ITPR2: variants seen among roughly 807,000 people sequenced by gnomAD.
The protein encoded by ITPR2 is inositol 1,4,5-trisphosphate-gated calcium channel ITPR2.
In ITPR2, 207 loss-of-function variants were observed where a neutral mutation model predicts 317.1. The observed-to-expected ratio is 0.65, with a 90% CI of 0.58 to 0.73. The LOEUF is 0.73. Among genes scored for constraint, ITPR2 ranks in the 30% least tolerant of loss-of-function variants. ITPR2 has a pLI of 0.00. For missense variants in ITPR2, 2,613 were observed against 3,284.0 expected, an observed-to-expected ratio of 0.80 and a Z score of 4.99; for synonymous variants, 1,156 against 1,149.1, an observed-to-expected ratio of 1.01 and a Z score of -0.12.
intron 3 of ITPR2, 146 bp from the exon 4 acceptor site, chr12:26,724,888 G>T: frequency 1.1e-5 from 6 of 558,104 alleles, no homozygotes; most frequent in East Asian, 3.0e-5. Flanking sequence ...TAGTTTAGGT[G>T]TTTTGTTTTG....
At chr12:26,727,510 A>G (rs1365422936) in intron 2 of ITPR2, among the ~76,000 whole-genome samples, 1 of 152,214 alleles carries the variant, frequency 6.6e-6, no homozygotes, top group Admixed American at 6.5e-5. Context: ...CAGAAAAAAT[A>G]TTTTTGTAAA....
intron 2 of ITPR2, among the ~76,000 whole-genome samples, chr12:26,726,717 T>C (rs1948931828): frequency 6.6e-6 from 1 of 152,200 alleles, no homozygotes; most frequent in South Asian, 2.1e-4. Context: ...TTAGCCACAT[T>C]ATTGACTACA....
At chr12:26,768,005 C>A (rs1010349068) in intron 2 of ITPR2, among the ~76,000 whole-genome samples, 1 of 152,150 alleles carries the variant, frequency 6.6e-6, no homozygotes, top group African/African-American at 2.4e-5. Context: ...CCTTGGTATA[C>A]CCGCTGACTT....
chr12:26,786,561 C>T (rs536919981), intron 2 of ITPR2, among the ~76,000 whole-genome samples: 2 of 151,458 alleles, frequency 1.3e-5, no homozygotes, highest in African/African-American at 2.4e-5. Context: ...TGGTTTCTAT[C>T]GAAAAATGGC....
At chr12:26,506,934 T>C (rs984356528) in intron 37 of ITPR2, among the ~76,000 whole-genome samples, 14 of 149,972 alleles carry the variant, frequency 9.3e-5, no homozygotes, top group African/African-American at 3.5e-4. Context: ...TTTGAATGTG[T>C]CATAATTTAT....
Position 26,759,038 on chromosome 12 carries a change from C to T in ITPR2, c.163+31119G>A, listed in dbSNP as rs575634344. On this transcript the variant is annotated intron_variant, in intron 2 of 56. Transcript: ENST00000381340. Reference sequence around the variant, plus strand: ...GAAAGCAGAAACAGTACCCATATTGCCTACAATTATATCTCCAGTGTCTAT... The same window carrying T: ...GAAAGCAGAAACAGTACCCATATTGTCTACAATTATATCTCCAGTGTCTAT... Among the ~76,000 whole-genome samples the T allele has an allele frequency of 1.1e-4, 17 of 152,264 alleles. No homozygotes were observed. The South Asian group carries it at 3.1e-3, about 28-fold the overall frequency.
At chr12:26,349,007 G>A (rs1416834025) in intron 55 of ITPR2, among the ~76,000 whole-genome samples, 3 of 152,176 alleles carry the variant, frequency 2.0e-5, no homozygotes, top group African/African-American at 4.8e-5. Context: ...AATTAACTGT[G>A]TGTGGTGGCG....
At chr12:26,590,614 A>T (rs1945674295) in intron 32 of ITPR2, among the ~76,000 whole-genome samples, 1 of 152,210 alleles carries the variant, frequency 6.6e-6, no homozygotes, top group East Asian at 1.9e-4. Flanking sequence ...ATATACAAAA[A>T]TCAAATCAAA....
chr12:26,492,909 GTGTGTGTGTGTA>G (rs766827677), intron 39 of ITPR2, among the ~76,000 whole-genome samples: 4,691 of 129,390 alleles, frequency 0.036, 465 homozygotes, highest in East Asian at 0.28. Context: ...GTGTGTGTAT[GTGTGTGTGTGTA>G]TATATATATA....
At chr12:26,584,835 C>T (rs1244051442) in intron 32 of ITPR2, among the ~76,000 whole-genome samples, 1 of 152,210 alleles carries the variant, frequency 6.6e-6, no homozygotes, top group Non-Finnish European at 1.5e-5. Flanking sequence ...ATAAGGAATA[C>T]AAATCCTAAG....
intron 1 of ITPR2, among the ~76,000 whole-genome samples, chr12:26,829,349 T>C (rs1951062464): frequency 6.6e-6 from 1 of 152,018 alleles, no homozygotes; most frequent in Non-Finnish European, 1.5e-5. Context: ...CTTTTTTTTT[T>C]AGACAGGGGC....
rs983578050 is a variant in ITPR2 at position 26,538,060 on chromosome 12, C to T, written c.5073+12187G>A. Among the ~76,000 whole-genome samples the T allele has an allele frequency of 1.3e-5, 2 of 152,198 alleles. 1 individual carries two copies. The highest frequency in any genetic ancestry group is 4.1e-4 in the South Asian group (2 of 4,830). ...CTGGCAGCCATGTGTGAAATTCCTA[C>T]AGCTTTGCAAATTGATATCATCATA... is the stretch of plus-strand genomic sequence containing the variant. On this transcript the variant is annotated intron_variant, in intron 37 of 56. Transcript: ENST00000381340.
intron 14 of ITPR2, among the ~76,000 whole-genome samples, 167 bp from the exon 15 acceptor site, chr12:26,664,013 T>A (rs1947563501): frequency 6.6e-6 from 1 of 152,090 alleles, no homozygotes; most frequent in Admixed American, 6.6e-5. Context: ...ATATCAAGGA[T>A]CAGAAAAGTA....
intron 21 of ITPR2, among the ~76,000 whole-genome samples, chr12:26,640,861 A>G (rs1476021573): frequency 6.6e-6 from 1 of 152,210 alleles, no homozygotes; most frequent in African/African-American, 2.4e-5. Context: ...TACTCATATG[A>G]GTAGCTCACA....
In ITPR2 at chr12:26,661,272, GT is replaced by G. The variant is rs796569084; in HGVS notation, c.1714-1988del. Among the ~76,000 whole-genome samples the G allele has an allele frequency of 7.5e-3, 516 of 68,900 alleles. 18 individuals carry two copies. Among genetic ancestry groups the G allele is most frequent in the East Asian group, 0.062 (47 of 752 alleles). The allele number at this position is 68,900 out of a possible 152,430, so 45.2% of individuals were successfully genotyped here. ...GTGATATGACTAGGTAGGGGTGTGT[GT>G]GTGGGGGGGGGGGGGTGGGAGGGAA... is the stretch of plus-strand genomic sequence containing the variant. On this transcript the variant is annotated intron_variant, in intron 15 of 56. Transcript: ENST00000381340.
intron 2 of ITPR2, among the ~76,000 whole-genome samples, chr12:26,726,657 C>T (rs997918244): frequency 1.1e-4 from 16 of 152,050 alleles, no homozygotes; most frequent in African/African-American, 3.4e-4. Context: ...CATTCTCATT[C>T]GACAAATAAC....
At chr12:26,709,524 G>A (rs1948610034) in intron 9 of ITPR2, among the ~76,000 whole-genome samples, 1 of 152,072 alleles carries the variant, frequency 6.6e-6, no homozygotes, top group Non-Finnish European at 1.5e-5. Context: ...CCTCACTAAG[G>A]TTAATGAACA....
chr12:26,489,781 G>T (rs1469937879), intron 39 of ITPR2, among the ~76,000 whole-genome samples: 1 of 152,214 alleles, frequency 6.6e-6, no homozygotes, highest in East Asian at 1.9e-4. Flanking sequence ...AATAAAGGAA[G>T]GGGCTGCAGT....
At chr12:26,625,493 T>C (rs1332954799) in intron 23 of ITPR2, among the ~76,000 whole-genome samples, 1 of 152,052 alleles carries the variant, frequency 6.6e-6, no homozygotes, top group East Asian at 1.9e-4. Context: ...ATTAAAAAAA[T>C]TTAAGTCAAT....
Sources: allele counts gnomAD v4.1 joint callset (sites outside exome capture counted in the v4.1 genomes callset), GRCh38; gene constraint gnomAD v4.1.1; transcripts MANE v1.5; gene names NCBI Gene and HGNC (gene_info 2026-07-23, HGNC 2026-07-21).